Variants in GPATCH2 observed in about 807,000 individuals in gnomAD.
GPATCH2 encodes G patch domain-containing protein 2.
Under a neutral mutation model 58.0 loss-of-function variants are expected in GPATCH2, and 51 were observed. That is an observed-to-expected ratio of 0.88 (90% CI 0.70 to 1.11). The LOEUF (loss-of-function observed/expected upper bound fraction) is 1.11. Among genes scored for constraint, GPATCH2 ranks in the 50% most tolerant of loss-of-function variants. The pLI, the probability that GPATCH2 is intolerant of heterozygous loss-of-function variation, is 0.00. For missense variants in GPATCH2, 625 were observed against 652.2 expected (o/e 0.96, Z 0.45); for synonymous variants, 222 against 218.5 (o/e 1.02, Z -0.14).
chr1:217,561,518 A>G (rs770354699), intron 5 of GPATCH2, among the ~76,000 whole-genome samples: 10 of 152,234 alleles, frequency 6.6e-5, no homozygotes, highest in Non-Finnish European at 1.2e-4. Context: ...CATATTCAGT[A>G]GAAACTCCTT....
chr1:217,443,856 A>G (rs1027811460), intron 9 of GPATCH2, among the ~76,000 whole-genome samples: 1 of 152,220 alleles, frequency 6.6e-6, no homozygotes, highest in African/African-American at 2.4e-5. Context: ...AAATAATCTC[A>G]AATTTCTACT....
intron 5 of GPATCH2, among the ~76,000 whole-genome samples, chr1:217,560,965 G>A (rs1221540274): frequency 1.3e-5 from 2 of 152,200 alleles, no homozygotes; most frequent in African/African-American, 4.8e-5. Context: ...ATGGGGTAGG[G>A]AAGAAGGATG....
chr1:217,597,797 C>T (rs567376736), intron 5 of GPATCH2, among the ~76,000 whole-genome samples: 38 of 152,096 alleles, frequency 2.5e-4, no homozygotes, highest in Non-Finnish European at 4.6e-4. Context: ...TATCCCCACC[C>T]CAAATAACAA....
chr1:217,433,372 ATATATATATATATTTATTTATTTATT>A (rs910486796), intron 9 of GPATCH2, among the ~76,000 whole-genome samples: 5 of 83,076 alleles, frequency 6.0e-5, no homozygotes, highest in Admixed American at 1.1e-4. Context: ...ATATATATAT[ATATATATATATATTTATTTATTTATT>A]TATTTATTTA....
intron 5 of GPATCH2, among the ~76,000 whole-genome samples, chr1:217,574,238 C>T (rs1170095457): frequency 6.6e-6 from 1 of 152,172 alleles, no homozygotes; most frequent in African/African-American, 2.4e-5. Flanking sequence ...GCCTTTTTTA[C>T]ATTTTTATAT....
intron 7 of GPATCH2, 44 bp downstream of exon 7, chr1:217,498,312 G>C (rs764563037): frequency 6.8e-7 from 1 of 1,467,130 alleles, no homozygotes; most frequent in African/African-American, 1.4e-5. Context: ...TTAAATACTT[G>C]AAAGAGGCTG....
chr1:217,494,769 A>AT (rs940298026), intron 7 of GPATCH2, among the ~76,000 whole-genome samples: 32 of 151,170 alleles, frequency 2.1e-4, no homozygotes, highest in Admixed American at 7.2e-4. Context: ...CTCCCAACAT[A>AT]TTTTTTTTTA....
At chr1:217,468,552 C>G (rs1571754997) in intron 8 of GPATCH2, among the ~76,000 whole-genome samples, 1 of 114,848 alleles carries the variant, frequency 8.7e-6, no homozygotes, top group Non-Finnish European at 1.9e-5. Flanking sequence ...CACACACACA[C>G]ACACACACAC....
In GPATCH2 at chr1:217,534,552, T is replaced by C. The variant is rs147016473; in HGVS notation, c.1099-19663A>G. 6.7e-3 allele frequency among the ~76,000 whole-genome samples: 978 copies of C among 145,850 alleles called. 14 individuals carry two copies. The highest frequency in any genetic ancestry group is 0.023 in the African/African-American group (905 of 39,352). On this transcript the variant is annotated intron_variant, in intron 5 of 9. Transcript: ENST00000366935. Reference sequence around the variant, plus strand: ...TCTGTGTTAAACTTCTTCTTCCATTTATAAAATTACTTACAGTCTGTGAAA... The same window carrying C: ...TCTGTGTTAAACTTCTTCTTCCATTCATAAAATTACTTACAGTCTGTGAAA...
At chr1:217,501,075 T>C (rs1446072300) in intron 6 of GPATCH2, among the ~76,000 whole-genome samples, 1 of 152,096 alleles carries the variant, frequency 6.6e-6, no homozygotes, top group Non-Finnish European at 1.5e-5. Flanking sequence ...TGTCCTTTTA[T>C]AGCCATATCC....
intron 6 of GPATCH2, among the ~76,000 whole-genome samples, chr1:217,503,400 C>T (rs1022002362): frequency 6.6e-6 from 1 of 151,710 alleles, no homozygotes; most frequent in Non-Finnish European, 1.5e-5. Flanking sequence ...ACAGAAAACA[C>T]ATTAAAGAAA....
chr1:217,466,898 C>A (rs755649140), intron 8 of GPATCH2, among the ~76,000 whole-genome samples: 1 of 152,150 alleles, frequency 6.6e-6, no homozygotes, highest in Admixed American at 6.5e-5. Flanking sequence ...ATCTGCTGGG[C>A]GCGGTGGCTC....
At chr1:217,599,416 G>C (rs1668008449) in intron 5 of GPATCH2, among the ~76,000 whole-genome samples, 1 of 152,172 alleles carries the variant, frequency 6.6e-6, no homozygotes, top group African/African-American at 2.4e-5. Context: ...AAATTGAAAA[G>C]AAGGGGCTGC....
In GPATCH2 at chr1:217,535,903, T is replaced by A. The variant is rs1664437645; in HGVS notation, c.1099-21014A>T. 2.6e-5 allele frequency among the ~76,000 whole-genome samples: 4 copies of A among 152,344 alleles called. No individual in the cohort carries two copies. In the Middle Eastern group the frequency reaches 0.01, roughly 389 times the overall value. ...GATTAGAAAAATGTTTTAAAATTTT[T>A]AAATTTCTTTTAACTTTGCCCATCC... On this transcript the variant is annotated intron_variant, in intron 5 of 9. Coordinates refer to ENST00000366935, the MANE Select transcript of GPATCH2 (RefSeq NM_018040.5).
At position 217,591,486 on chromosome 1, in the gene GPATCH2, C is replaced by T. The variant is rs544980358; in HGVS notation, c.1098+18835G>A. Among the ~76,000 whole-genome samples the T allele has an allele frequency of 7.9e-5, 12 of 152,148 alleles. No homozygotes were observed. In the South Asian group the frequency reaches 2.5e-3, roughly 32 times the overall value. ...TAGCAAGACAGATGAAGGAGACAGACAAAAGGACCAGAAATAACTAAACCC... is the reference window on the plus strand; with the variant it reads ...TAGCAAGACAGATGAAGGAGACAGATAAAAGGACCAGAAATAACTAAACCC... On this transcript the variant is annotated intron_variant, in intron 5 of 9. Transcript: ENST00000366935.
intron 6 of GPATCH2, among the ~76,000 whole-genome samples, chr1:217,511,887 G>C (rs940005262): frequency 6.6e-6 from 1 of 152,044 alleles, no homozygotes; most frequent in Non-Finnish European, 1.5e-5. Flanking sequence ...TTGTGTAAAA[G>C]AAAATTCCCA....
chr1:217,502,553 T>C (rs1558439158), intron 6 of GPATCH2, among the ~76,000 whole-genome samples: 1 of 152,120 alleles, frequency 6.6e-6, no homozygotes, highest in Non-Finnish European at 1.5e-5. Context: ...CTCTACTTGG[T>C]TTATAAATTA....
intron 8 of GPATCH2, among the ~76,000 whole-genome samples, chr1:217,453,694 A>G (rs1659780874): frequency 6.6e-6 from 1 of 152,190 alleles, no homozygotes. Flanking sequence ...AACAAAAAAC[A>G]GAAACAAAAA....
chr1:217,625,447 G>A (rs569042618), intron 1 of GPATCH2, among the ~76,000 whole-genome samples: 100 of 152,216 alleles, frequency 6.6e-4, no homozygotes, highest in African/African-American at 2.3e-3. Context: ...ATATAAGTGG[G>A]AATAGCAAGA....
Sources: gnomAD v4.1 joint callset for allele counts (sites outside exome capture counted in the v4.1 genomes callset) on GRCh38, gnomAD v4.1.1 for gene constraint, MANE v1.5 for transcripts, NCBI Gene and HGNC (gene_info 2026-07-23, HGNC 2026-07-21) for gene names.